Variants in TNFSF11 observed in about 807,000 individuals in gnomAD.
The protein encoded by TNFSF11 is TNF superfamily member 11, also known as tumor necrosis factor ligand superfamily member 11.
Under a neutral mutation model 32.2 loss-of-function variants are expected in TNFSF11, and 12 were observed. That is an observed-to-expected ratio of 0.37 (90% confidence interval 0.24 to 0.60). TNFSF11 has a LOEUF of 0.60. Ranked by LOEUF, TNFSF11 falls within the 20% of genes least tolerant of loss-of-function variation. The pLI is 0.66. For synonymous variants in TNFSF11, 172 were observed against 152.1 expected, an observed-to-expected ratio of 1.13 and a Z score of -0.96; for missense variants, 345 against 398.0, an observed-to-expected ratio of 0.87 and a Z score of 1.13.
At chr13:42,583,271 G>A (rs1455855026) in intron 2 of TNFSF11, among the ~76,000 whole-genome samples, 1 of 151,296 alleles carries the variant, frequency 6.6e-6, no homozygotes, top group Non-Finnish European at 1.5e-5. Context: ...AAATTAGCTG[G>A]GCATGGCAAC....
At chr13:42,592,201 C>T (rs1868522198) in intron 2 of TNFSF11, among the ~76,000 whole-genome samples, 1 of 152,202 alleles carries the variant, frequency 6.6e-6, no homozygotes, top group African/African-American at 2.4e-5. Flanking sequence ...TGGGAGGTAA[C>T]ACAGCCCCAA....
intron 2 of TNFSF11, among the ~76,000 whole-genome samples, chr13:42,589,996 G>T (rs1424214514): frequency 6.6e-6 from 1 of 152,224 alleles, no homozygotes; most frequent in Non-Finnish European, 1.5e-5. Flanking sequence ...CCACCCACCT[G>T]TGGGGGTAGG....
At chr13:42,589,240 T>G (rs1874044979) in intron 2 of TNFSF11, among the ~76,000 whole-genome samples, 1 of 152,164 alleles carries the variant, frequency 6.6e-6, no homozygotes, top group South Asian at 2.1e-4. Context: ...GATGGTCTTA[T>G]CCTTTTATTC....
intron 2 of TNFSF11, among the ~76,000 whole-genome samples, chr13:42,582,327 A>G (rs545845186): frequency 2.0e-5 from 3 of 152,376 alleles, no homozygotes. Context: ...CATCAGAGGT[A>G]GAGGAAGGAA....
chr13:42,579,732 A>C (rs1222461104), intron 1 of TNFSF11, among the ~76,000 whole-genome samples: 3 of 75,722 alleles, frequency 4.0e-5, no homozygotes, highest in African/African-American at 1.0e-4. Flanking sequence ...TTTTTTTGCA[A>C]AGTGTCTGAT....
intron 2 of TNFSF11, among the ~76,000 whole-genome samples, chr13:42,583,768 A>G (rs1191415838): frequency 2.0e-5 from 3 of 152,200 alleles, no homozygotes; most frequent in Admixed American, 1.3e-4. Flanking sequence ...AACATGACCA[A>G]GATGCCCACT....
At chr13:42,594,632 A>G (rs1429665182) in intron 2 of TNFSF11, among the ~76,000 whole-genome samples, 1 of 152,164 alleles carries the variant, frequency 6.6e-6, no homozygotes, top group African/African-American at 2.4e-5. Context: ...ACACAGTACC[A>G]TCTCTCCTGA....
intron 2 of TNFSF11, among the ~76,000 whole-genome samples, chr13:42,568,732 A>G (rs1265253463): frequency 6.6e-6 from 1 of 152,228 alleles, no homozygotes; most frequent in Non-Finnish European, 1.5e-5. Context: ...AGTACAAAAG[A>G]CAAAGCCCAC....
intron 1 of TNFSF11, among the ~76,000 whole-genome samples, chr13:42,576,420 G>A (rs1327930055): frequency 6.6e-6 from 1 of 152,114 alleles, no homozygotes; most frequent in African/African-American, 2.4e-5. Flanking sequence ...CAGTCTTGAT[G>A]CTGTATGGAT....
chr13:42,566,203 C>CAT (rs1449382283), intron 1 of TNFSF11, among the ~76,000 whole-genome samples: 1 of 152,232 alleles, frequency 6.6e-6, no homozygotes, highest in Non-Finnish European at 1.5e-5. Context: ...TCCTGACAGA[C>CAT]ATATGGAATC....
At chr13:42,597,246 C>A (rs346604) in intron 2 of TNFSF11, among the ~76,000 whole-genome samples, 12,593 of 151,674 alleles carry the variant, frequency 0.083, 599 homozygotes, top group African/African-American at 0.14. Context: ...AATTGCAATC[C>A]TTCAACACCC....
intron 1 of TNFSF11, among the ~76,000 whole-genome samples, chr13:42,565,804 G>A (rs1279320249): frequency 4.6e-5 from 7 of 152,152 alleles, no homozygotes; most frequent in Admixed American, 3.9e-4. Flanking sequence ...GATCAATCTG[G>A]AAGATGGGTT....
intron 1 of TNFSF11, among the ~76,000 whole-genome samples, chr13:42,564,789 G>C (rs1416434260): frequency 6.6e-6 from 1 of 152,200 alleles, no homozygotes; most frequent in Non-Finnish European, 1.5e-5. Context: ...AACTGAGCTG[G>C]ATTGCAGCTT....
rs191466298 is a variant in TNFSF11 at position 42,594,172 on chromosome 13, C to T, written c.388-6580C>T. 2.9e-3 allele frequency among the ~76,000 whole-genome samples: 443 copies of T among 150,790 alleles called. 5 individuals carry two copies. The highest frequency in any genetic ancestry group is 9.9e-3 in the African/African-American group (406 of 41,030). On this transcript the variant is annotated intron_variant, in intron 2 of 4. Transcript: ENST00000398795. Reference sequence around the variant, plus strand: ...TCGGCTCACTGTAACCTCTGCCTCCCGGGCTCAAGCGATCTCGTGCCTTAG... The same window carrying T: ...TCGGCTCACTGTAACCTCTGCCTCCTGGGCTCAAGCGATCTCGTGCCTTAG...
chr13:42,596,000 A>G lies in TNFSF11; in HGVS notation c.388-4752A>G, dbSNP rs138679424. 2.5e-3 allele frequency among the ~76,000 whole-genome samples: 382 copies of G among 152,352 alleles called. 2 individuals carry two copies. The highest frequency in any genetic ancestry group is 8.8e-3 in the African/African-American group (366 of 41,586). ...ATGTAAATGCAAAGCTTAGAAAATAAATGGAATTGTCAATTGGGGTGAAGT... is the reference window on the plus strand; with the variant it reads ...ATGTAAATGCAAAGCTTAGAAAATAGATGGAATTGTCAATTGGGGTGAAGT... On this transcript the variant is annotated intron_variant, in intron 2 of 4. Coordinates refer to ENST00000398795, the MANE Select transcript of TNFSF11 (RefSeq NM_003701.4).
upstream of TNFSF11, among the ~76,000 whole-genome samples, chr13:42,572,623 T>G (rs551660923): frequency 4.0e-4 from 61 of 152,246 alleles, no homozygotes; most frequent in Middle Eastern, 3.4e-3. Flanking sequence ...GTCTGAAAAT[T>G]TTTTGTCCCT....
intron 4 of TNFSF11, 39 bp from the exon 5 acceptor site, chr13:42,606,458 A>T (rs1237311153): frequency 6.2e-7 from 1 of 1,613,594 alleles, no homozygotes; most frequent in Non-Finnish European, 8.5e-7. Flanking sequence ...TTCTCATTTA[A>T]GGACTGACTT....
At position 42,606,651 on chromosome 13, in the gene TNFSF11, A is replaced by G; in HGVS notation, c.687A>G (p.Gly229=). ...NICFRHHETS[G]DLATEYLQLM... is the part of the protein sequence containing the mutation. Reference sequence around the variant, plus strand: ...GCTTTCGACATCATGAAACTTCAGGAGACCTAGCTACAGAGTATCTTCAAC... The same window carrying G: ...GCTTTCGACATCATGAAACTTCAGGGGACCTAGCTACAGAGTATCTTCAAC... Residue 229 remains glycine (G), a synonymous_variant, in exon 5 of 5, where the codon GGA becomes GGG. Transcript: ENST00000398795. 1 of 1,614,234 alleles carries G rather than the reference A, an allele frequency of 6.2e-7. No homozygotes were observed. The highest frequency in any genetic ancestry group is 2.2e-5 in the East Asian group (1 of 44,884).
At position 42,606,540 on chromosome 13, in the gene TNFSF11, T is replaced by C; in HGVS notation, c.576T>C (p.Gly192=). 1 of 1,614,136 alleles carries C rather than the reference T, an allele frequency of 6.2e-7. No homozygotes were observed. Among genetic ancestry groups the C allele is most frequent in the East Asian group, 2.2e-5 (1 of 44,886 alleles). Residue 192 remains glycine (G), a synonymous_variant, in exon 5 of 5, where the codon GGT becomes GGC. Transcript: ENST00000398795. ...TGTCCTCTTGGTACCATGATCGGGG[T>C]TGGGCCAAGATCTCCAACATGACTT... is the stretch of plus-strand genomic sequence containing the variant. ...VSLSSWYHDR[G]WAKISNMTFS... is the part of the protein sequence containing the mutation.
Sources: allele counts gnomAD v4.1 joint callset (sites outside exome capture counted in the v4.1 genomes callset), GRCh38; gene constraint gnomAD v4.1.1; transcripts MANE v1.5; gene names NCBI Gene and HGNC (gene_info 2026-07-23, HGNC 2026-07-21).